Variants in PRDM16 observed in about 807,000 individuals in gnomAD.
PRDM16 encodes the protein PR/SET domain 16.
In PRDM16, 23 loss-of-function variants were observed where a neutral mutation model predicts 110.6. The observed-to-expected ratio is 0.21, with a 90% CI of 0.15 to 0.29. The LOEUF (loss-of-function observed/expected upper bound fraction) is 0.29. Among genes scored for constraint, PRDM16 ranks in the 10% least tolerant of loss-of-function variants. The probability of loss-of-function intolerance (pLI) is 1.00; values close to 1 mark genes in which losing one functional copy is unlikely to be tolerated. For missense variants in PRDM16, 1,615 were observed against 1,794.3 expected (o/e 0.90, Z 1.81); for synonymous variants, 799 against 781.8 (o/e 1.02, Z -0.37).
intron 2 of PRDM16, among the ~76,000 whole-genome samples, chr1:3,186,912 C>G (rs958159668): frequency 6.6e-6 from 1 of 152,198 alleles, no homozygotes; most frequent in African/African-American, 2.4e-5. Context: ...CCCCGGCTGC[C>G]GTCTTCCCCG....
At chr1:3,414,858 A>G (rs1305301728) in intron 10 of PRDM16, among the ~76,000 whole-genome samples, 1 of 152,050 alleles carries the variant, frequency 6.6e-6, no homozygotes, top group Non-Finnish European at 1.5e-5. Context: ...AGTGACCCTC[A>G]CAGGGCCACC....
Position 3,077,729 on chromosome 1 carries a change from G to T in PRDM16, c.37+8433G>T, listed in dbSNP as rs141279558. On this transcript the variant is annotated intron_variant, in intron 1 of 16. Coordinates refer to ENST00000270722, the MANE Select transcript of PRDM16 (RefSeq NM_022114.4). ...GCCTTTGTGGGTGTTGTGCAGGGTG[G>T]GTGTGCAGGCTGCAGGTGCTCACAG... Among the ~76,000 whole-genome samples the T allele has an allele frequency of 2.9e-3, 444 of 152,212 alleles. 2 individuals carry two copies. The highest frequency in any genetic ancestry group is 0.01 in the African/African-American group (421 of 41,536).
chr1:3,181,591 T>TGGTCTTACACATGCAGTCTTACACAC (rs1557509703), intron 1 of PRDM16, among the ~76,000 whole-genome samples: 1 of 50,590 alleles, frequency 2.0e-5, no homozygotes, highest in African/African-American at 9.0e-5. Context: ...GTCTTACATA[T>TGGTCTTACACATGCAGTCTTACACAC]GGTCTTACAC....
rs1638923130 is a variant in PRDM16 at position 3,436,841 on chromosome 1, G to C, written c.*3030G>C. ...GCCAGGGTCAGGGCTGCAAGCCAGG[G>C]GTCCAGGGCCCTTCCGTTCAGCCCA... On this transcript the variant is annotated 3_prime_UTR_variant, in exon 17 of 17. Transcript: ENST00000270722. 4.3e-6 allele frequency: 1 copy of C among 233,108 alleles called. No homozygotes were observed. The highest frequency in any genetic ancestry group is 1.8e-4 in the South Asian group (1 of 5,534). The allele number at this position is 233,108 out of a possible 1,614,324, so 14.4% of individuals were successfully genotyped here.
At chr1:3,075,260 A>G (rs1641871690) in intron 1 of PRDM16, among the ~76,000 whole-genome samples, 1 of 152,248 alleles carries the variant, frequency 6.6e-6, no homozygotes, top group South Asian at 2.1e-4. Flanking sequence ...TTTTATATCC[A>G]CTATAACTAT....
At chr1:3,229,161 G>A (rs1490428747) in intron 2 of PRDM16, among the ~76,000 whole-genome samples, 2 of 152,194 alleles carry the variant, frequency 1.3e-5, no homozygotes, top group African/African-American at 4.8e-5. Context: ...AGCCAGGGAG[G>A]AGCCCAGGGT....
At chr1:3,182,167 G>A (rs890475718) in intron 1 of PRDM16, among the ~76,000 whole-genome samples, 2 of 152,222 alleles carry the variant, frequency 1.3e-5, no homozygotes, top group African/African-American at 4.8e-5. Context: ...ACCACATGAT[G>A]AAGGAGGAAG....
chr1:3,259,979 CT>C (rs984480361), intron 3 of PRDM16, among the ~76,000 whole-genome samples: 16 of 152,182 alleles, frequency 1.1e-4, no homozygotes, highest in African/African-American at 3.9e-4. Context: ...TCCAAGCCCC[CT>C]GCACTTCTTT....
In PRDM16 at chr1:3,412,186, C is replaced by T. The variant is rs1385772552; in HGVS notation, c.1989C>T (p.Ala663=). Reference sequence around the variant, plus strand: ...CCCCGGGGGCCCCGAACAGCGTGGCCGAGGTGCCTGTCTTCTATTCCCAGC... The same window carrying T: ...CCCCGGGGGCCCCGAACAGCGTGGCTGAGGTGCCTGTCTTCTATTCCCAGC... ...LAPPGAPNSV[A]EVPVFYSQHS... The change falls in exon 9 of 17, where the codon GCC becomes GCT. Residue 663 remains alanine (A), a synonymous_variant. Transcript: ENST00000270722. 12 of 1,592,368 alleles carry T rather than the reference C, an allele frequency of 7.5e-6. No individual in the cohort carries two copies. Among genetic ancestry groups the T allele is most frequent in the African/African-American group, 1.3e-5 (1 of 74,486 alleles).
At chr1:3,222,748 C>A (rs1639190335) in intron 2 of PRDM16, among the ~76,000 whole-genome samples, 1 of 152,240 alleles carries the variant, frequency 6.6e-6, no homozygotes, top group South Asian at 2.1e-4. Flanking sequence ...GACCAGCATC[C>A]CCATTCCCAG....
chr1:3,116,598 A>G (rs1042865339), intron 1 of PRDM16, among the ~76,000 whole-genome samples: 1 of 152,130 alleles, frequency 6.6e-6, no homozygotes, highest in Admixed American at 6.5e-5. Context: ...CGCCCGGGAC[A>G]GAGGCTGCCC....
rs1057255862 is a variant in PRDM16 at position 3,390,418 on chromosome 1, A to G, written c.573+5132A>G. 2.6e-5 allele frequency among the ~76,000 whole-genome samples: 4 copies of G among 152,158 alleles called. No individual in the cohort carries two copies. Among genetic ancestry groups the G allele is most frequent in the Non-Finnish European group, 4.4e-5 (3 of 68,014 alleles). On this transcript the variant is annotated intron_variant, in intron 4 of 16. Coordinates refer to ENST00000270722, the MANE Select transcript of PRDM16 (RefSeq NM_022114.4). The surrounding 1 kb of genome is among the most constrained non-coding windows in gnomAD (Gnocchi z 5.0). ...GTAGCACCCCTGGATTGAGAGAAGC[A>G]GCCCCAATCTGCATAGCGCCCTGGG... is the stretch of plus-strand genomic sequence containing the variant.
chr1:3,294,926 G>C (rs893183628), intron 3 of PRDM16, among the ~76,000 whole-genome samples: 1 of 152,196 alleles, frequency 6.6e-6, no homozygotes, highest in African/African-American at 2.4e-5. Flanking sequence ...TAGACCCCAC[G>C]GAAGTGGCCA....
At chr1:3,270,704 C>CCCGGAGGAGGACAGTCGGGGAGGACAGT (rs1640428654) in intron 3 of PRDM16, among the ~76,000 whole-genome samples, 2 of 145,812 alleles carry the variant, frequency 1.4e-5, no homozygotes, top group African/African-American at 5.1e-5. Flanking sequence ...GGAGGACAGT[C>CCCGGAGGAGGACAGTCGGGGAGGACAGT]CCGGAGGAGG....
chr1:3,330,091 G>A (rs966333866), intron 3 of PRDM16, among the ~76,000 whole-genome samples: 2 of 152,250 alleles, frequency 1.3e-5, no homozygotes, highest in African/African-American at 2.4e-5. Context: ...TCCGCCAAGA[G>A]GGGTTAAGGA....
chr1:3,406,435 G>C (rs571478716), intron 8 of PRDM16, among the ~76,000 whole-genome samples: 1 of 152,192 alleles, frequency 6.6e-6, no homozygotes, highest in South Asian at 2.1e-4. Context: ...GTGAGTGAGC[G>C]GAGTGAGAAG....
rs1638897013 is a variant in PRDM16 at position 3,435,932 on chromosome 1, T to C, written c.*2121T>C. The C allele has an allele frequency of 4.3e-6, 1 of 231,418 alleles. No individual in the cohort carries two copies. The highest frequency in any genetic ancestry group is 8.6e-6 in the Non-Finnish European group (1 of 116,890). The allele number at this position is 231,418 out of a possible 1,614,324, so 14.3% of individuals were successfully genotyped here. A position where few individuals can be genotyped will look rare whatever the true frequency, so the allele number is the denominator to read the frequency against. The stretch of plus-strand genomic sequence containing the variant: ...CTGTGCGTGCGCTGGGGCCATGGGG[T>C]GGCCCCGCCGGGGCAGCGGGGGAGC... On this transcript the variant is annotated 3_prime_UTR_variant, in exon 17 of 17. Coordinates refer to ENST00000270722, the MANE Select transcript of PRDM16 (RefSeq NM_022114.4).
At chr1:3,120,583 G>A (rs973990778) in intron 1 of PRDM16, among the ~76,000 whole-genome samples, 9 of 152,112 alleles carry the variant, frequency 5.9e-5, no homozygotes, top group African/African-American at 1.4e-4. Context: ...AAAGGAACTC[G>A]GGAGACCCCC....
At chr1:3,430,125 C>G (rs1444064506) in intron 14 of PRDM16, among the ~76,000 whole-genome samples, 1 of 152,212 alleles carries the variant, frequency 6.6e-6, no homozygotes, top group Non-Finnish European at 1.5e-5. Flanking sequence ...GCCCAGCCCA[C>G]CCAAGACACA....
Sources: allele counts gnomAD v4.1 joint callset (sites outside exome capture counted in the v4.1 genomes callset), GRCh38; gene constraint gnomAD v4.1.1; non-coding constraint Gnocchi (gnomAD v3.1); transcripts MANE v1.5; gene names NCBI Gene and HGNC (gene_info 2026-07-23, HGNC 2026-07-21).